Variants in TMEM117 observed in about 807,000 individuals in gnomAD.
TMEM117 encodes the protein transmembrane protein 117.
A neutral mutation model predicts 52.4 loss-of-function variants in TMEM117; 27 were observed. The ratio of observed to expected loss-of-function variants is 0.51; its 90% CI spans 0.38 to 0.71. The LOEUF (loss-of-function observed/expected upper bound fraction) is 0.71. TMEM117 is among the 30% of genes least tolerant of loss of function. The pLI is 0.00. For synonymous variants in TMEM117, 215 were observed against 206.3 expected, an observed-to-expected ratio of 1.04 and a Z score of -0.36; for missense variants, 556 against 630.5, an observed-to-expected ratio of 0.88 and a Z score of 1.26.
intron 3 of TMEM117, among the ~76,000 whole-genome samples, chr12:43,977,768 A>C (rs1428348547): frequency 6.6e-6 from 1 of 152,060 alleles, no homozygotes; most frequent in East Asian, 1.9e-4. Flanking sequence ...AAATAGTTGA[A>C]ATTGTGAGCT....
At position 44,199,545 on chromosome 12, in the gene TMEM117, A is replaced by G. The variant is rs563691874; in HGVS notation, c.511-11745A>G. Among the ~76,000 whole-genome samples, 5 of 152,306 alleles carry G rather than the reference A, an allele frequency of 3.3e-5. No individual in the cohort carries two copies. The South Asian group carries it at 8.3e-4, about 25-fold the overall frequency. The stretch of plus-strand genomic sequence containing the variant: ...GAATAAAATATCAACCAAGTCAGGA[A>G]AATAATATTTCAGTGATAGGGAAAT... On this transcript the variant is annotated intron_variant, in intron 4 of 7. Transcript: ENST00000266534.
At chr12:44,013,249 C>T (rs974621446) in intron 3 of TMEM117, among the ~76,000 whole-genome samples, 10 of 152,060 alleles carry the variant, frequency 6.6e-5, no homozygotes, top group East Asian at 3.9e-4. Flanking sequence ...AGGTTGGTCT[C>T]GAACTCCTGA....
intron 4 of TMEM117, among the ~76,000 whole-genome samples, chr12:44,165,336 T>A (rs755815194): frequency 6.6e-6 from 1 of 151,950 alleles, no homozygotes; most frequent in Non-Finnish European, 1.5e-5. Context: ...CAGAAAACAA[T>A]TAACAAAATG....
chr12:44,264,837 C>T (rs536795881), intron 5 of TMEM117, among the ~76,000 whole-genome samples: 6 of 152,178 alleles, frequency 3.9e-5, no homozygotes, highest in African/African-American at 1.4e-4. Context: ...CTAGCATATA[C>T]TACAGCTTTT....
At chr12:44,013,726 A>G (rs896547269) in intron 3 of TMEM117, among the ~76,000 whole-genome samples, 3 of 152,102 alleles carry the variant, frequency 2.0e-5, no homozygotes, top group Non-Finnish European at 1.5e-5. Context: ...ATTGCAGCTC[A>G]GATTTATGTA....
chr12:44,397,674 T>A, the TMEM117 span, among the ~76,000 whole-genome samples: 3 of 152,340 alleles, frequency 2.0e-5, no homozygotes, highest in East Asian at 5.8e-4. Context: ...TGTAATCAAT[T>A]GCTTTGAGTC....
intron 3 of TMEM117, among the ~76,000 whole-genome samples, chr12:44,038,620 C>T (rs898086014): frequency 2.0e-5 from 3 of 152,136 alleles, no homozygotes; most frequent in African/African-American, 4.8e-5. Flanking sequence ...CCAGCAGGCT[C>T]GAGTAAAAAC....
At chr12:44,029,897 C>G (rs1946606348) in intron 3 of TMEM117, among the ~76,000 whole-genome samples, 1 of 152,174 alleles carries the variant, frequency 6.6e-6, no homozygotes, top group Admixed American at 6.5e-5. Context: ...TCTTGTATGT[C>G]CTTGGGAGCT....
intron 3 of TMEM117, among the ~76,000 whole-genome samples, chr12:44,029,203 T>A (rs886353600): frequency 5.3e-5 from 8 of 152,150 alleles, no homozygotes; most frequent in Non-Finnish European, 8.8e-5. Context: ...GGGTTGGAGT[T>A]CCTTCTAAGA....
chr12:44,116,104 A>G (rs1014712254), intron 3 of TMEM117, among the ~76,000 whole-genome samples: 2 of 152,202 alleles, frequency 1.3e-5, no homozygotes, highest in African/African-American at 4.8e-5. Flanking sequence ...ATAATCATCT[A>G]CATGTTAAAT....
At chr12:44,226,501 A>ATGTG (rs56709250) in intron 5 of TMEM117, among the ~76,000 whole-genome samples, 2,500 of 149,272 alleles carry the variant, frequency 0.017, 57 homozygotes, top group East Asian at 0.057. Context: ...AAATATATAT[A>ATGTG]TGTGTGTGTG....
Position 44,268,793 on chromosome 12 carries a change from C to T in TMEM117, c.609-30787C>T, listed in dbSNP as rs139848181. On this transcript the variant is annotated intron_variant, in intron 5 of 7. Transcript: ENST00000266534. ...TATATTGAAATTGGCCCATAGTCTT[C>T]CTTTTCTAATAAGTGTCAAGTACCC... Among the ~76,000 whole-genome samples the T allele has an allele frequency of 2.6e-3, 390 of 152,154 alleles. 14 individuals carry two copies. In the East Asian group the frequency reaches 0.071, roughly 28 times the overall value.
At chr12:43,813,463 T>C in the TMEM117 span, among the ~76,000 whole-genome samples, 1 of 151,892 alleles carries the variant, frequency 6.6e-6, no homozygotes. Flanking sequence ...TAGGCTGGTC[T>C]CGAACTACTG....
chr12:44,238,449 A>G (rs147697839), intron 5 of TMEM117, among the ~76,000 whole-genome samples: 7 of 152,102 alleles, frequency 4.6e-5, no homozygotes, highest in Non-Finnish European at 8.8e-5. Flanking sequence ...GAGGGATTTT[A>G]TACATATATC....
At chr12:43,848,753 G>A (rs2137367170) in intron 2 of TMEM117, among the ~76,000 whole-genome samples, 1 of 152,208 alleles carries the variant, frequency 6.6e-6, no homozygotes, top group Admixed American at 6.5e-5. Context: ...ATTAAAGACG[G>A]GCATAAGAAT....
At chr12:44,221,146 A>G (rs1358318290) in intron 5 of TMEM117, among the ~76,000 whole-genome samples, 1 of 152,194 alleles carries the variant, frequency 6.6e-6, no homozygotes, top group Non-Finnish European at 1.5e-5. Flanking sequence ...GTTATCAGTG[A>G]TAAGTCATGT....
chr12:44,088,555 G>T (rs1417265299), intron 3 of TMEM117, among the ~76,000 whole-genome samples: 3 of 152,196 alleles, frequency 2.0e-5, no homozygotes, highest in Non-Finnish European at 4.4e-5. Flanking sequence ...GCATGAGGCT[G>T]ATTTGAATTA....
chr12:44,097,846 A>T (rs1219913578), intron 3 of TMEM117, among the ~76,000 whole-genome samples: 1 of 151,822 alleles, frequency 6.6e-6, no homozygotes, highest in African/African-American at 2.4e-5. Context: ...GTACCCTAAA[A>T]CTTAAAGTAT....
chr12:44,238,520 G>T (rs1950025226), intron 5 of TMEM117, among the ~76,000 whole-genome samples: 1 of 152,048 alleles, frequency 6.6e-6, no homozygotes, highest in African/African-American at 2.4e-5. Context: ...CCAGCTACTT[G>T]GGAGGGTGAG....
Sources: gnomAD v4.1 joint callset for allele counts (sites outside exome capture counted in the v4.1 genomes callset) on GRCh38, gnomAD v4.1.1 for gene constraint, MANE v1.5 for transcripts, NCBI Gene and HGNC (gene_info 2026-07-23, HGNC 2026-07-21) for gene names.